Variants in COL4A2 observed in about 807,000 individuals in gnomAD.
COL4A2 encodes the protein collagen type IV alpha 2 chain.
A neutral mutation model predicts 200.2 loss-of-function variants in COL4A2; 99 were observed. The observed-to-expected ratio is 0.49, with a 90% CI of 0.42 to 0.58. COL4A2 has a LOEUF of 0.58. Ranked by LOEUF, COL4A2 falls within the 20% of genes least tolerant of loss-of-function variation. The pLI is 0.00. For synonymous variants in COL4A2, 897 were observed against 900.6 expected, an observed-to-expected ratio of 1.00 and a Z score of 0.07; for missense variants, 1,950 against 2,314.1, an observed-to-expected ratio of 0.84 and a Z score of 3.23.
In COL4A2 at chr13:110,458,770, G is replaced by A; in HGVS notation, c.1433-1G>A. ...GAGGCCCTCCTCTCCCTCCTCTGCA[G>A]GTGACGCTGGGGAATGCAGATGTAC... On this transcript the variant is annotated splice_acceptor_variant, in intron 21 of 47. Transcript: ENST00000360467. LOFTEE classifies it high-confidence loss of function. The A allele has an allele frequency of 1.2e-6, 2 of 1,614,058 alleles. No individual in the cohort carries two copies. The highest frequency in any genetic ancestry group is 2.2e-5 in the South Asian group (2 of 91,086).
At chr13:110,396,031 A>AC (rs1416560310) in intron 4 of COL4A2, among the ~76,000 whole-genome samples, 48 of 152,362 alleles carry the variant, frequency 3.2e-4, no homozygotes, top group Admixed American at 2.2e-3. Context: ...AAAAGGTTTT[A>AC]GTGAAAATGA....
At chr13:110,409,396 C>T (rs2139438484) in intron 4 of COL4A2, among the ~76,000 whole-genome samples, 1 of 152,352 alleles carries the variant, frequency 6.6e-6, no homozygotes, top group South Asian at 2.1e-4. Flanking sequence ...TCTCTAGTTT[C>T]CCTCTCCCAG....
chr13:110,353,595 C>G (rs1454769882), intron 3 of COL4A2, among the ~76,000 whole-genome samples: 1 of 152,206 alleles, frequency 6.6e-6, no homozygotes, highest in Non-Finnish European at 1.5e-5. Flanking sequence ...AGGCTCAGGT[C>G]AGAGACTTGT....
intron 4 of COL4A2, among the ~76,000 whole-genome samples, chr13:110,382,369 A>G (rs1468971251): frequency 1.3e-5 from 2 of 152,250 alleles, no homozygotes. Context: ...TGAAGTTTTC[A>G]TAGAACAATG....
chr13:110,485,167 G>T lies in COL4A2; in HGVS notation c.3025+140G>T, dbSNP rs1305497010. The T allele has an allele frequency of 6.2e-5, 44 of 707,932 alleles. No individual in the cohort carries two copies. The East Asian group carries it at 1.2e-3, about 20-fold the overall frequency. The allele number at this position is 707,932 out of a possible 1,614,324, so 43.9% of individuals were successfully genotyped here. On this transcript the variant is annotated intron_variant, in intron 33 of 47. Transcript: ENST00000360467. ...TGCTTTTCATCTCTGGGCGCCCTGT[G>T]TGTCCATAGCTGGCGCAGGGTTGTT... is the stretch of plus-strand genomic sequence containing the variant.
Position 110,485,246 on chromosome 13 carries a change from G to A in COL4A2, c.3025+219G>A, listed in dbSNP as rs1019489722. 7.9e-5 allele frequency among the ~76,000 whole-genome samples: 12 copies of A among 152,142 alleles called. No individual in the cohort carries two copies. The East Asian group carries it at 9.7e-4, about 12-fold the overall frequency. On this transcript the variant is annotated intron_variant, in intron 33 of 47. Transcript: ENST00000360467. ...CATCTTAAGATTTGCAGCACTGGCC[G>A]GGCGCGGTGGCTCACGCCTGTAATC...
intron 4 of COL4A2, among the ~76,000 whole-genome samples, chr13:110,402,877 A>G (rs780889560): frequency 2.6e-5 from 4 of 152,192 alleles, no homozygotes; most frequent in African/African-American, 4.8e-5. Context: ...GTGTGCCTGC[A>G]GAGTTGGCAC....
rs987028984 is a variant in COL4A2, at chr13:110,406,625, G to T, written c.181-18109G>T. Among the ~76,000 whole-genome samples the T allele has an allele frequency of 6.6e-5, 8 of 121,284 alleles. No individual in the cohort carries two copies. The Admixed American group carries it at 7.7e-4, about 12-fold the overall frequency. The allele number at this position is 121,284 out of a possible 152,430, so 79.6% of individuals were successfully genotyped here. On this transcript the variant is annotated intron_variant, in intron 4 of 47. Coordinates refer to ENST00000360467, the MANE Select transcript of COL4A2 (RefSeq NM_001846.4). ...TAGATGTGAGTACCTGGTTTTTTTAGTGGGACTCTTTTTTTTTTCTTGGTA... is the reference window on the plus strand; with the variant it reads ...TAGATGTGAGTACCTGGTTTTTTTATTGGGACTCTTTTTTTTTTCTTGGTA...
intron 3 of COL4A2, among the ~76,000 whole-genome samples, chr13:110,323,222 C>G (rs1465814107): frequency 6.6e-6 from 1 of 152,156 alleles, no homozygotes; most frequent in Admixed American, 6.5e-5. Flanking sequence ...TGTTGCTGCC[C>G]CACTGCCTTA....
At chr13:110,322,381 G>A (rs571890305) in intron 3 of COL4A2, among the ~76,000 whole-genome samples, 247 of 152,328 alleles carry the variant, frequency 1.6e-3, no homozygotes, top group Middle Eastern at 6.8e-3. Context: ...GGAGGGAACC[G>A]GGTGTCTGGG....
chr13:110,506,156 C>T (rs919541806), intron 45 of COL4A2, among the ~76,000 whole-genome samples: 2 of 152,018 alleles, frequency 1.3e-5, no homozygotes, highest in Non-Finnish European at 2.9e-5. Flanking sequence ...TCTCAGGCTG[C>T]AGGTGCACTA....
intron 31 of COL4A2, 111 bp from the exon 32 acceptor site, chr13:110,482,405 A>C: frequency 8.3e-7 from 1 of 1,203,264 alleles, no homozygotes; most frequent in Non-Finnish European, 1.2e-6. Flanking sequence ...TTTTAGGTTC[A>C]GAATCTTCTC....
intron 29 of COL4A2, 89 bp downstream of exon 29, chr13:110,473,239 AG>A (rs1882550705): frequency 7.7e-7 from 1 of 1,296,500 alleles, no homozygotes; most frequent in African/African-American, 1.5e-5. Flanking sequence ...GGGATTTGGT[AG>A]GAAGCAGCGG....
At chr13:110,325,943 C>T (rs986672239) in intron 3 of COL4A2, among the ~76,000 whole-genome samples, 9 of 152,210 alleles carry the variant, frequency 5.9e-5, no homozygotes, top group African/African-American at 2.2e-4. Flanking sequence ...GTCACCAGGC[C>T]GGGCTAATTT....
At chr13:110,380,696 C>G (rs918644068) in intron 4 of COL4A2, among the ~76,000 whole-genome samples, 1 of 151,624 alleles carries the variant, frequency 6.6e-6, no homozygotes, top group African/African-American at 2.4e-5. Flanking sequence ...AGCTCTATGT[C>G]ACACCCACAA....
At chr13:110,450,548 C>G (rs1482438717) in intron 20 of COL4A2, 94 bp downstream of exon 20, 24 of 1,456,996 alleles carry the variant, frequency 1.6e-5, no homozygotes, top group Non-Finnish European at 2.2e-5. Context: ...TGCTAAATGA[C>G]TCTGGGAACG....
At chr13:110,313,875 C>T (rs932835935) in intron 3 of COL4A2, among the ~76,000 whole-genome samples, 1 of 152,088 alleles carries the variant, frequency 6.6e-6, no homozygotes, top group Non-Finnish European at 1.5e-5. Context: ...GCTCCTACCT[C>T]GGTGCTGGGT....
chr13:110,393,584 G>GA (rs922447524), intron 4 of COL4A2, among the ~76,000 whole-genome samples: 152 of 140,638 alleles, frequency 1.1e-3, no homozygotes, highest in Middle Eastern at 7.1e-3. Flanking sequence ...TATAAAGAGG[G>GA]AAAAAAAAAA....
chr13:110,507,989 A>G lies in COL4A2; in HGVS notation c.4649A>G (p.Asn1550Ser), dbSNP rs1188711710. Residue 1550 changes from asparagine to serine, a missense_variant, in exon 47 of 48, where the codon AAC becomes AGC. By Grantham distance (46) the Asn-to-Ser change is conservative. Coordinates refer to ENST00000360467, the MANE Select transcript of COL4A2 (RefSeq NM_001846.4). ...RFSTMPFLYC[N>S]PGDVCYYASR... is the part of the protein sequence containing the mutation. ...AGCACCATGCCCTTCCTGTACTGCA[A>G]CCCTGGTGATGTCTGCTACTATGCC... 2 of 1,614,040 alleles carry G rather than the reference A, an allele frequency of 1.2e-6. No homozygotes were observed. The highest frequency in any genetic ancestry group is 1.7e-5 in the Admixed American group (1 of 60,018).
Sources: allele counts gnomAD v4.1 joint callset (sites outside exome capture counted in the v4.1 genomes callset), GRCh38; gene constraint gnomAD v4.1.1; transcripts MANE v1.5; gene names NCBI Gene and HGNC (gene_info 2026-07-23, HGNC 2026-07-21).